NELL2: variants seen among roughly 807,000 people sequenced by gnomAD.
NELL2 encodes neural EGFL like 2.
Under a neutral mutation model 109.6 loss-of-function variants are expected in NELL2, and 41 were observed. That is an observed-to-expected ratio of 0.37 (90% CI 0.29 to 0.49). The LOEUF is 0.49. Among genes scored for constraint, NELL2 ranks in the 20% least tolerant of loss-of-function variants. The pLI is 0.98. For synonymous variants in NELL2, 355 were observed against 344.7 expected, an observed-to-expected ratio of 1.03 and a Z score of -0.33; for missense variants, 900 against 1,008.3, an observed-to-expected ratio of 0.89 and a Z score of 1.45.
intron 13 of NELL2, among the ~76,000 whole-genome samples, chr12:44,634,108 A>T (rs1946552412): frequency 6.6e-6 from 1 of 152,166 alleles, no homozygotes; most frequent in South Asian, 2.1e-4. Flanking sequence ...GAAAATTGTA[A>T]AGGATTTTAC....
At chr12:44,632,982 A>C (rs1167199650) in intron 13 of NELL2, among the ~76,000 whole-genome samples, 2 of 152,110 alleles carry the variant, frequency 1.3e-5, no homozygotes, top group Non-Finnish European at 2.9e-5. Flanking sequence ...GTATGGAAAA[A>C]AAACCAAAAT....
At chr12:44,531,527 C>T (rs1942055838) in intron 16 of NELL2, among the ~76,000 whole-genome samples, 1 of 152,144 alleles carries the variant, frequency 6.6e-6, no homozygotes, top group African/African-American at 2.4e-5. Flanking sequence ...ACAGCATTCC[C>T]ATTCCTAGGT....
intron 1 of NELL2, among the ~76,000 whole-genome samples, chr12:44,903,439 G>A (rs892309046): frequency 4.6e-5 from 7 of 152,140 alleles, no homozygotes; most frequent in Non-Finnish European, 8.8e-5. Context: ...CATGGTTGGT[G>A]GGAGTGTAAA....
intron 3 of NELL2, among the ~76,000 whole-genome samples, chr12:44,811,698 AAG>A (rs1267297662): frequency 1.3e-5 from 2 of 152,162 alleles, no homozygotes; most frequent in East Asian, 3.9e-4. Context: ...GCTTCCCAAT[AAG>A]CTAGGTGTTC....
At chr12:44,659,090 AG>A (rs1452000982) in intron 13 of NELL2, among the ~76,000 whole-genome samples, 1 of 152,160 alleles carries the variant, frequency 6.6e-6, no homozygotes, top group East Asian at 1.9e-4. Flanking sequence ...GACAAAAACA[AG>A]CAATGGGGAA....
At chr12:44,664,801 A>G (rs1195129595) in intron 13 of NELL2, among the ~76,000 whole-genome samples, 1 of 151,986 alleles carries the variant, frequency 6.6e-6, no homozygotes, top group Non-Finnish European at 1.5e-5. Flanking sequence ...CTCAAATCCT[A>G]CAGTATTCAA....
intron 2 of NELL2, among the ~76,000 whole-genome samples, chr12:44,856,449 A>G (rs1372313249): frequency 6.6e-6 from 1 of 152,244 alleles, no homozygotes; most frequent in Non-Finnish European, 1.5e-5. Context: ...GAGTATCAAG[A>G]ATATTTGGGA....
intron 1 of NELL2, chr12:44,875,605 C>T: frequency 1.9e-6 from 3 of 1,613,138 alleles, no homozygotes; most frequent in Non-Finnish European, 1.7e-6. Flanking sequence ...CTCAGCCCTC[C>T]GACCCTGGAC....
intron 2 of NELL2, among the ~76,000 whole-genome samples, chr12:44,843,245 TA>T (rs1292176548): frequency 6.7e-6 from 1 of 149,884 alleles, no homozygotes; most frequent in African/African-American, 2.5e-5. Context: ...GTAGAATAAA[TA>T]ATTAAACAGA....
rs1938184646 is a variant in NELL2, at chr12:44,711,298, A to G, written c.1183T>C (p.Cys395Arg). ...ITLSHSCCKV[C>R]KGYDFCSERH... ...CTTTTCAAAAAAGTCTTACCTTTACAAACTTTGCAACAGCTGTGAGACAAG... is the reference window on the plus strand; with the variant it reads ...CTTTTCAAAAAAGTCTTACCTTTACGAACTTTGCAACAGCTGTGAGACAAG... The change falls in exon 11 of 20, where the codon TGT becomes CGT. Residue 395 changes from cysteine (C) to arginine (R), a missense_variant. Transcript: ENST00000429094. 7 of 1,611,932 alleles carry G rather than the reference A, an allele frequency of 4.3e-6. No homozygotes were observed. Among genetic ancestry groups the G allele is most frequent in the Non-Finnish European group, 5.9e-6 (7 of 1,178,348 alleles).
At chr12:44,737,234 A>G (rs1392979242) in intron 9 of NELL2, among the ~76,000 whole-genome samples, 3 of 151,926 alleles carry the variant, frequency 2.0e-5, no homozygotes, top group African/African-American at 7.2e-5. Flanking sequence ...TAAGTCCCTC[A>G]TGTCTAGCTG....
At chr12:44,675,240 T>C (rs2136357770) in intron 12 of NELL2, among the ~76,000 whole-genome samples, 1 of 152,284 alleles carries the variant, frequency 6.6e-6, no homozygotes, top group East Asian at 1.9e-4. Flanking sequence ...CCTGCATTTA[T>C]TACAAACCTG....
chr12:44,741,380 C>T (rs1001396885), intron 9 of NELL2, among the ~76,000 whole-genome samples: 5 of 152,134 alleles, frequency 3.3e-5, no homozygotes, highest in Non-Finnish European at 5.9e-5. Context: ...GTGTGAGCCA[C>T]GCAGAAGACA....
intron 3 of NELL2, among the ~76,000 whole-genome samples, chr12:44,813,339 T>C (rs1566452436): frequency 1.3e-5 from 2 of 152,188 alleles, no homozygotes; most frequent in Non-Finnish European, 2.9e-5. Flanking sequence ...TTCCACATCA[T>C]AGAATGATAT....
At chr12:44,882,653 G>A (rs188468054) in intron 1 of NELL2, among the ~76,000 whole-genome samples, 40 of 150,640 alleles carry the variant, frequency 2.7e-4, no homozygotes, top group African/African-American at 8.3e-4. Flanking sequence ...TCAGCCTCCC[G>A]AGTAGCTGGA....
At chr12:44,862,107 T>C (rs1216859964) in intron 2 of NELL2, among the ~76,000 whole-genome samples, 1 of 152,176 alleles carries the variant, frequency 6.6e-6, no homozygotes, top group Non-Finnish European at 1.5e-5. Flanking sequence ...AGAAAGTACA[T>C]ATAAATAATT....
chr12:44,755,966 T>C (rs1940871861), intron 9 of NELL2, among the ~76,000 whole-genome samples: 1 of 152,198 alleles, frequency 6.6e-6, no homozygotes, highest in Non-Finnish European at 1.5e-5. Flanking sequence ...TTATCAACTT[T>C]ATCTGGGACC....
chr12:44,816,216 A>C, intron 2 of NELL2, 80 bp from the exon 3 acceptor site: 1 of 1,270,906 alleles, frequency 7.9e-7, no homozygotes, highest in Middle Eastern at 2.8e-4. Flanking sequence ...ATCTTTCAAA[A>C]AACTTTATCA....
intron 1 of NELL2, among the ~76,000 whole-genome samples, chr12:44,885,620 T>A (rs1329559660): frequency 6.6e-6 from 1 of 151,866 alleles, no homozygotes; most frequent in Non-Finnish European, 1.5e-5. Context: ...CTTTGCTGAG[T>A]GAAATTAAAA....
Sources: allele counts gnomAD v4.1 joint callset (sites outside exome capture counted in the v4.1 genomes callset), GRCh38; gene constraint gnomAD v4.1.1; transcripts MANE v1.5; gene names NCBI Gene and HGNC (gene_info 2026-07-23, HGNC 2026-07-21).